Variants in PJA2 observed in about 807,000 individuals in gnomAD.
PJA2 encodes E3 ubiquitin-protein ligase Praja-2.
Under a neutral mutation model 69.3 loss-of-function variants are expected in PJA2, and 25 were observed. The observed-to-expected ratio is 0.36, with a 90% CI of 0.26 to 0.50. The LOEUF (loss-of-function observed/expected upper bound fraction) is 0.50. Ranked by LOEUF, PJA2 falls within the 20% of genes least tolerant of loss-of-function variation. The pLI, the probability that PJA2 is intolerant of heterozygous loss-of-function variation, is 0.96. For missense variants in PJA2, 809 were observed against 830.2 expected (o/e 0.97, Z 0.31); for synonymous variants, 308 against 277.8 (o/e 1.11, Z -1.08).
intron 7 of PJA2, among the ~76,000 whole-genome samples, chr5:109,353,245 TATAG>T (rs1222694244): frequency 2.3e-5 from 3 of 133,034 alleles, no homozygotes; most frequent in African/African-American, 8.0e-5. Flanking sequence ...CTATAATATC[TATAG>T]ATATCTATAT....
intron 4 of PJA2, among the ~76,000 whole-genome samples, chr5:109,376,729 A>G (rs1347443185): frequency 6.6e-6 from 1 of 152,170 alleles, no homozygotes; most frequent in Non-Finnish European, 1.5e-5. Flanking sequence ...TAGAGGTATA[A>G]TATTAGAGAC....
rs878996990 is a variant in PJA2 at position 109,383,504 on chromosome 5, C to A, written c.-71G>T. ...ATTTAGTTTTTATTCACACTATGGA[C>A]AAGCCGCAGAAGATTCCTACAAAGA... is the stretch of plus-strand genomic sequence containing the variant. On this transcript the variant is annotated 5_prime_UTR_variant, in exon 2 of 10. Coordinates refer to ENST00000361189, the MANE Select transcript of PJA2 (RefSeq NM_014819.5). The A allele has an allele frequency of 2.4e-4, 306 of 1,272,170 alleles. No individual in the cohort carries two copies. Among genetic ancestry groups the A allele is most frequent in the East Asian group, 1.5e-3 (66 of 42,866 alleles). The allele number at this position is 1,272,170 out of a possible 1,614,324, so 78.8% of individuals were successfully genotyped here.
At chr5:109,378,097 T>C in intron 4 of PJA2, 107 bp downstream of exon 4, 2 of 746,734 alleles carry the variant, frequency 2.7e-6, no homozygotes, top group East Asian at 2.7e-5. Context: ...TAAGTCAAAA[T>C]GTCTAATTCC....
At chr5:109,348,620 A>C (rs1762206291) in intron 7 of PJA2, among the ~76,000 whole-genome samples, 1 of 152,118 alleles carries the variant, frequency 6.6e-6, no homozygotes, top group Non-Finnish European at 1.5e-5. Context: ...CTGGAGTGTG[A>C]ATCTCTTACT....
chr5:109,377,975 T>C, intron 4 of PJA2, among the ~76,000 whole-genome samples: 1 of 152,220 alleles, frequency 6.6e-6, no homozygotes. Context: ...TAATAATCAT[T>C]ATCTGAACTT....
intron 6 of PJA2, among the ~76,000 whole-genome samples, chr5:109,356,400 A>C (rs977151546): frequency 6.6e-6 from 1 of 152,208 alleles, no homozygotes; most frequent in Non-Finnish European, 1.5e-5. Flanking sequence ...TCCTTTGTAC[A>C]TCATACTGGC....
At chr5:109,369,620 T>C (rs890018557) in intron 4 of PJA2, among the ~76,000 whole-genome samples, 3 of 152,240 alleles carry the variant, frequency 2.0e-5, no homozygotes, top group African/African-American at 7.2e-5. Context: ...AATAAAAAGT[T>C]AACTGTCTTT....
At chr5:109,345,176 C>G (rs1252767417) in intron 7 of PJA2, among the ~76,000 whole-genome samples, 1 of 103,094 alleles carries the variant, frequency 9.7e-6, no homozygotes, top group South Asian at 3.4e-4. Flanking sequence ...AATCCCGTCT[C>G]TAGTAAAAAA....
At chr5:109,368,783 T>C (rs1272848077) in intron 4 of PJA2, 37 bp from the exon 5 acceptor site, 2 of 1,559,568 alleles carry the variant, frequency 1.3e-6, no homozygotes, top group African/African-American at 2.7e-5. Flanking sequence ...TCATAATGTG[T>C]TCAGTTATTT....
At position 109,378,184 on chromosome 5, in the gene PJA2, A is replaced by T; in HGVS notation, c.1283+20T>A. The T allele has an allele frequency of 6.4e-7, 1 of 1,555,340 alleles. No individual in the cohort carries two copies. On this transcript the variant is annotated intron_variant, in intron 4 of 9. Coordinates refer to ENST00000361189, the MANE Select transcript of PJA2 (RefSeq NM_014819.5). Reference sequence around the variant, plus strand: ...CTTCATTTACTACACAATCGGAAAAAGTACTGGATGTGACCTTACCTATCT... The same window carrying T: ...CTTCATTTACTACACAATCGGAAAATGTACTGGATGTGACCTTACCTATCT...
intron 5 of PJA2, among the ~76,000 whole-genome samples, chr5:109,364,751 C>T (rs1420549385): frequency 2.2e-5 from 3 of 139,252 alleles, no homozygotes; most frequent in Non-Finnish European, 4.9e-5. Flanking sequence ...AGGGCTTTTC[C>T]TTAATCAATA....
intron 6 of PJA2, among the ~76,000 whole-genome samples, chr5:109,361,739 T>C (rs1175460416): frequency 6.6e-6 from 1 of 152,208 alleles, no homozygotes; most frequent in Non-Finnish European, 1.5e-5. Flanking sequence ...ATGTTTAAGG[T>C]AGAAATACAA....
intron 2 of PJA2, 90 bp from the exon 3 acceptor site, chr5:109,381,793 A>ATTAT: frequency 9.7e-7 from 1 of 1,033,192 alleles, no homozygotes; most frequent in Non-Finnish European, 1.4e-6. Flanking sequence ...TTTATATTTT[A>ATTAT]TTATTTATCA....
intron 9 of PJA2, among the ~76,000 whole-genome samples, chr5:109,338,636 CAAAAAAAAAAAAAA>C (rs11336749): frequency 1.1e-4 from 7 of 62,468 alleles, no homozygotes; most frequent in Non-Finnish European, 2.3e-4. Context: ...AACTCCGTCT[CAAAAAAAAAAAAAA>C]AAAAAAAAAA....
intron 1 of PJA2, among the ~76,000 whole-genome samples, chr5:109,405,211 T>G (rs1747655861): frequency 6.6e-6 from 1 of 152,238 alleles, no homozygotes; most frequent in African/African-American, 2.4e-5. Context: ...ATTAAATACT[T>G]AGATATAAAT....
intron 5 of PJA2, among the ~76,000 whole-genome samples, chr5:109,364,050 T>C (rs1230704018): frequency 2.6e-5 from 4 of 151,988 alleles, no homozygotes; most frequent in Non-Finnish European, 5.9e-5. Flanking sequence ...AGCTGAGGCA[T>C]GAGAATCGCT....
intron 6 of PJA2, among the ~76,000 whole-genome samples, chr5:109,360,392 C>G (rs950950320): frequency 6.6e-6 from 1 of 152,088 alleles, no homozygotes; most frequent in African/African-American, 2.4e-5. Context: ...TGATAGAGGA[C>G]TTTTTCCATT....
chr5:109,340,670 C>T (rs1159240358), intron 9 of PJA2, among the ~76,000 whole-genome samples: 2 of 25,396 alleles, frequency 7.9e-5, no homozygotes, highest in Non-Finnish European at 1.1e-4. Flanking sequence ...CCCTCCCCCT[C>T]CCTCTCCCCA....
At chr5:109,404,076 C>A (rs756611021) in intron 1 of PJA2, among the ~76,000 whole-genome samples, 4 of 29,446 alleles carry the variant, frequency 1.4e-4, no homozygotes, top group Non-Finnish European at 5.9e-4. Flanking sequence ...ATCTCAAAAA[C>A]AACAACAACA....
Sources: allele counts gnomAD v4.1 joint callset (sites outside exome capture counted in the v4.1 genomes callset), GRCh38; gene constraint gnomAD v4.1.1; transcripts MANE v1.5; gene names NCBI Gene and HGNC (gene_info 2026-07-23, HGNC 2026-07-21).